The following DENND1A variants were observed in gnomAD, a reference collection of about 807,000 sequenced individuals.
DENND1A encodes the protein DENN domain-containing protein 1A.
Under a neutral mutation model 113.7 loss-of-function variants are expected in DENND1A, and 51 were observed. The observed-to-expected ratio is 0.45, with a 90% confidence interval of 0.36 to 0.57. DENND1A has a LOEUF of 0.57. DENND1A is among the 20% of genes least tolerant of loss of function. The probability of loss-of-function intolerance (pLI) is 0.00; values close to 1 mark genes in which losing one functional copy is unlikely to be tolerated. For synonymous variants in DENND1A, 565 were observed against 570.8 expected (o/e 0.99, Z 0.14); for missense variants, 1,258 against 1,395.9 (o/e 0.90, Z 1.57).
intron 13 of DENND1A, among the ~76,000 whole-genome samples, chr9:123,509,945 T>C (rs926217572): frequency 6.6e-6 from 1 of 152,366 alleles, no homozygotes; most frequent in South Asian, 2.1e-4. Context: ...CTACCTCAGA[T>C]GAACCTACCT....
chr9:123,576,127 G>A (rs1325764892), intron 12 of DENND1A, among the ~76,000 whole-genome samples: 1 of 152,056 alleles, frequency 6.6e-6, no homozygotes, highest in Non-Finnish European at 1.5e-5. Flanking sequence ...GCCCTTGTAA[G>A]GTTTACAACA....
intron 2 of DENND1A, among the ~76,000 whole-genome samples, chr9:123,841,105 T>G (rs1841763091): frequency 6.6e-6 from 1 of 152,202 alleles, no homozygotes; most frequent in Non-Finnish European, 1.5e-5. Flanking sequence ...AAGTGAAATC[T>G]TAAACCAAAT....
At chr9:123,545,124 C>G (rs2056573426) in intron 13 of DENND1A, among the ~76,000 whole-genome samples, 1 of 151,708 alleles carries the variant, frequency 6.6e-6, no homozygotes, top group African/African-American at 2.4e-5. Flanking sequence ...AGAACTATGA[C>G]AACTTCATTC....
chr9:123,605,106 C>G (rs1454244282), intron 11 of DENND1A, among the ~76,000 whole-genome samples: 1 of 152,146 alleles, frequency 6.6e-6, no homozygotes, highest in Non-Finnish European at 1.5e-5. Context: ...ATTCTAACTG[C>G]TCTACTTCAC....
At chr9:123,469,182 T>C (rs1297002584) in intron 13 of DENND1A, among the ~76,000 whole-genome samples, 1 of 152,224 alleles carries the variant, frequency 6.6e-6, no homozygotes, top group Non-Finnish European at 1.5e-5. Context: ...CTGAACCATT[T>C]GCACGGTGGC....
intron 11 of DENND1A, among the ~76,000 whole-genome samples, chr9:123,597,156 C>A (rs1209035132): frequency 6.6e-6 from 1 of 152,224 alleles, no homozygotes; most frequent in Admixed American, 6.5e-5. Context: ...CAAAGCCCGA[C>A]TCCCATCTCC....
chr9:123,682,987 A>G (rs994400245), intron 5 of DENND1A, among the ~76,000 whole-genome samples: 6 of 152,104 alleles, frequency 3.9e-5, no homozygotes, highest in African/African-American at 1.5e-4. Flanking sequence ...TGCTTCAAAC[A>G]ACATGACCCT....
intron 2 of DENND1A, among the ~76,000 whole-genome samples, chr9:123,831,330 A>G (rs1016485602): frequency 2.0e-5 from 3 of 152,228 alleles, no homozygotes; most frequent in African/African-American, 4.8e-5. Context: ...TGTTCATTAT[A>G]TAGTCTTCAT....
At chr9:123,389,173 C>T (rs2042717068) in intron 21 of DENND1A, among the ~76,000 whole-genome samples, 1 of 152,240 alleles carries the variant, frequency 6.6e-6, no homozygotes, top group Admixed American at 6.5e-5. Flanking sequence ...GTGGCCTGTG[C>T]CTGCACTTTG....
chr9:123,754,613 TG>T (rs1476192057), intron 5 of DENND1A, among the ~76,000 whole-genome samples: 2 of 152,234 alleles, frequency 1.3e-5, no homozygotes, highest in Non-Finnish European at 2.9e-5. Context: ...CCAGCTAGTC[TG>T]GGAACTACTC....
chr9:123,848,425 T>C (rs1451719478), intron 2 of DENND1A, among the ~76,000 whole-genome samples: 1 of 152,128 alleles, frequency 6.6e-6, no homozygotes, highest in African/African-American at 2.4e-5. Context: ...TGTTTTGGGG[T>C]GCCATAAACC....
intron 18 of DENND1A, among the ~76,000 whole-genome samples, chr9:123,446,540 G>A (rs550751533): frequency 2.0e-5 from 3 of 151,650 alleles, no homozygotes; most frequent in East Asian, 1.9e-4. Flanking sequence ...CAACAAGCTC[G>A]ATTTGTCTTT....
intron 1 of DENND1A, among the ~76,000 whole-genome samples, chr9:123,923,605 C>G (rs1856639559): frequency 6.6e-6 from 1 of 152,220 alleles, no homozygotes; most frequent in African/African-American, 2.4e-5. Flanking sequence ...TGGAGCAGAG[C>G]TATCATAAGC....
At chr9:123,440,962 C>A (rs948889899) in intron 18 of DENND1A, among the ~76,000 whole-genome samples, 2 of 152,110 alleles carry the variant, frequency 1.3e-5, no homozygotes, top group African/African-American at 4.8e-5. Context: ...ATTTAATATA[C>A]CACGATTCAA....
intron 5 of DENND1A, among the ~76,000 whole-genome samples, chr9:123,700,041 C>A (rs988104511): frequency 3.9e-5 from 6 of 152,128 alleles, no homozygotes; most frequent in Non-Finnish European, 2.9e-5. Flanking sequence ...ATTACCTTGG[C>A]ACCTTTCTAA....
intron 5 of DENND1A, among the ~76,000 whole-genome samples, chr9:123,732,362 G>C (rs994427537): frequency 6.6e-6 from 1 of 152,024 alleles, no homozygotes; most frequent in African/African-American, 2.4e-5. Context: ...ATAATAAAAG[G>C]GAATAAATCA....
chr9:123,842,709 C>T (rs1041675220), intron 2 of DENND1A, among the ~76,000 whole-genome samples: 7 of 152,144 alleles, frequency 4.6e-5, no homozygotes, highest in Non-Finnish European at 4.4e-5. Context: ...AGAATGAATA[C>T]CAATTCTTCA....
intron 8 of DENND1A, among the ~76,000 whole-genome samples, chr9:123,661,648 C>T (rs1395404955): frequency 4.6e-5 from 7 of 152,096 alleles, no homozygotes; most frequent in Admixed American, 4.6e-4. Flanking sequence ...GACGGGGCAG[C>T]CATTTGAGGA....
At chr9:123,900,977 T>G (rs1378111446) in intron 1 of DENND1A, among the ~76,000 whole-genome samples, 1 of 152,238 alleles carries the variant, frequency 6.6e-6, no homozygotes, top group East Asian at 1.9e-4. Flanking sequence ...GAATAAGTTC[T>G]AAAGTTCAAA....
Sources: gnomAD v4.1 joint callset for allele counts (sites outside exome capture counted in the v4.1 genomes callset) on GRCh38, gnomAD v4.1.1 for gene constraint, MANE v1.5 for transcripts, NCBI Gene and HGNC (gene_info 2026-07-23, HGNC 2026-07-21) for gene names.